Variants in CSF2RA observed in about 807,000 individuals in gnomAD.
CSF2RA encodes colony stimulating factor 2 receptor subunit alpha.
Under a neutral mutation model 51.6 loss-of-function variants are expected in CSF2RA, and 42 were observed. The ratio of observed to expected loss-of-function variants is 0.81; its 90% confidence interval spans 0.64 to 1.05. The LOEUF (loss-of-function observed/expected upper bound fraction) is 1.05. CSF2RA is among the 50% of genes least tolerant of loss of function. The pLI, the probability that CSF2RA is intolerant of heterozygous loss-of-function variation, is 0.00. For synonymous variants in CSF2RA, 222 were observed against 193.0 expected, an observed-to-expected ratio of 1.15 and a Z score of -1.24; for missense variants, 530 against 501.1, an observed-to-expected ratio of 1.06 and a Z score of -0.55.
chrX:1,275,837 C>CGTG (rs1190453012), intron 2 of CSF2RA, among the ~76,000 whole-genome samples: 3 of 152,024 alleles, frequency 2.0e-5, no homozygotes, highest in Non-Finnish European at 2.9e-5. Context: ...GGATTACAGG[C>CGTG]ACCCGCCACC....
At chrX:1,305,773 G>A (rs1379713856) in intron 12 of CSF2RA, 1 of 1,551,244 alleles carries the variant, frequency 6.4e-7, no homozygotes, top group Non-Finnish European at 8.7e-7. Flanking sequence ...TGGTGGTCAA[G>A]AAAAGGAGGA....
intron 7 of CSF2RA, among the ~76,000 whole-genome samples, chrX:1,292,829 C>G (rs757507014): frequency 2.6e-5 from 4 of 152,078 alleles, no homozygotes; most frequent in African/African-American, 4.8e-5. Context: ...ACTTCCTCCT[C>G]GGCACAGACC....
intron 1 of CSF2RA, 137 bp downstream of exon 1, chrX:1,269,016 G>C: frequency 1.0e-5 from 4 of 387,530 alleles, no homozygotes; most frequent in South Asian, 5.6e-5. Flanking sequence ...GAGCCGAAGT[G>C]GGGACAGCGG....
At chrX:1,280,678 C>CCTTCTTCTTCTCTTCTTT (rs1229975327) in intron 2 of CSF2RA, among the ~76,000 whole-genome samples, 10 of 147,218 alleles carry the variant, frequency 6.8e-5, no homozygotes, top group Admixed American at 5.5e-4. Flanking sequence ...TCCTCCTCCT[C>CCTTCTTCTTCTCTTCTTT]CTTCTTCTTC....
rs761742562 is a variant in CSF2RA at position 1,300,565 on chromosome X, G to A, written c.885G>A (p.Lys295=). ...SSEPRAKHSV[K]IRAADVRILN... is the part of the protein sequence containing the mutation. ...AGCCCAGAGCAAAACACAGTGTGAA[G>A]ATCAGAGCTGCAGACGTCCGCATCT... is the stretch of plus-strand genomic sequence containing the variant. Residue 295 remains lysine, a synonymous_variant, in exon 10 of 13, where the codon AAG becomes AAA. Transcript: ENST00000381529. The A allele has an allele frequency of 1.9e-6, 3 of 1,613,936 alleles. No homozygotes were observed. In the East Asian group the frequency reaches 6.7e-5, roughly 36 times the overall value.
At chrX:1,323,972 C>A in the CSF2RA span, among the ~76,000 whole-genome samples, 4 of 151,900 alleles carry the variant, frequency 2.6e-5, no homozygotes, top group African/African-American at 9.7e-5. Context: ...CAAGATCACC[C>A]CACTGCATTC....
At chrX:1,287,197 A>G (rs1373210660) in intron 4 of CSF2RA, 2 of 123,252 alleles carry the variant, frequency 1.6e-5, no homozygotes. Flanking sequence ...CTTGTTGCCC[A>G]GGCTGGAGTA....
intron 4 of CSF2RA, among the ~76,000 whole-genome samples, chrX:1,286,797 G>C (rs2090727734): frequency 6.6e-6 from 1 of 152,094 alleles, no homozygotes; most frequent in South Asian, 2.1e-4. Context: ...AAATGCAGTT[G>C]GATGTGCCCC....
chrX:1,284,750 C>T (rs1291550905), intron 3 of CSF2RA, among the ~76,000 whole-genome samples: 4 of 146,056 alleles, frequency 2.7e-5, no homozygotes, highest in Middle Eastern at 3.5e-3. Context: ...TTGCAACCTC[C>T]ACCTCCCGGG....
chrX:1,292,903 G>C lies in CSF2RA; in HGVS notation c.647-1425G>C, dbSNP rs148817145. Among the ~76,000 whole-genome samples the C allele has an allele frequency of 4.9e-3, 745 of 152,180 alleles. 7 individuals carry two copies. Among genetic ancestry groups the C allele is most frequent in the African/African-American group, 0.017 (689 of 41,480 alleles). On this transcript the variant is annotated intron_variant, in intron 7 of 12. Transcript: ENST00000381529. ...TCCCTTCCCACGAGGCCATATCTCA[G>C]ACTGTCTCAGTGGGGGGAACCCTCA...
chrX:1,281,018 C>T (rs1276178125), intron 2 of CSF2RA, among the ~76,000 whole-genome samples: 1 of 101,728 alleles, frequency 9.8e-6, no homozygotes, highest in Non-Finnish European at 2.2e-5. Context: ...TTCTCCTCCT[C>T]CTCCTTCTCC....
chrX:1,318,429 C>T, the CSF2RA span, among the ~76,000 whole-genome samples: 17 of 151,566 alleles, frequency 1.1e-4, no homozygotes, highest in Non-Finnish European at 2.5e-4. Context: ...TCCCAAAGTG[C>T]TGGGATTACA....
chrX:1,286,053 A>G (rs1371108314), intron 4 of CSF2RA, 133 bp downstream of exon 4: 2 of 938,108 alleles, frequency 2.1e-6, no homozygotes, highest in East Asian at 4.8e-5. Context: ...TGGGCGGATC[A>G]CCTGAGGTCG....
chrX:1,290,779 C>G (rs1211933883), intron 7 of CSF2RA, among the ~76,000 whole-genome samples: 1 of 152,048 alleles, frequency 6.6e-6, no homozygotes, highest in African/African-American at 2.4e-5. Flanking sequence ...GAGAATCACT[C>G]AAACCTAGGA....
chrX:1,304,064 G>A, intron 11 of CSF2RA, 45 bp downstream of exon 11: 1 of 1,493,534 alleles, frequency 6.7e-7, no homozygotes, highest in Non-Finnish European at 9.3e-7. Flanking sequence ...AACAGGCCAG[G>A]CCGGGAGGAA....
chrX:1,285,266 G>A (rs1175405265), intron 3 of CSF2RA, among the ~76,000 whole-genome samples: 26 of 152,058 alleles, frequency 1.7e-4, no homozygotes, highest in Non-Finnish European at 3.5e-4. Context: ...AGGGGGCTGT[G>A]AAAAGGAGGG....
chrX:1,273,763 T>A (rs867931390), intron 1 of CSF2RA, among the ~76,000 whole-genome samples: 7 of 59,586 alleles, frequency 1.2e-4, no homozygotes, highest in South Asian at 4.2e-4. Flanking sequence ...TTTTTTTTTT[T>A]TGTATTTTTT....
At chrX:1,312,205 C>T (rs1376889113), downstream of CSF2RA, among the ~76,000 whole-genome samples, 2 of 152,124 alleles carry the variant, frequency 1.3e-5, no homozygotes, top group African/African-American at 4.8e-5. Context: ...TCTCAAAGTG[C>T]TGGGATTACA....
At chrX:1,321,310 A>T in the CSF2RA span, among the ~76,000 whole-genome samples, 1 of 151,958 alleles carries the variant, frequency 6.6e-6, no homozygotes, top group Non-Finnish European at 1.5e-5. Flanking sequence ...TCCACTAAAA[A>T]TACAAAAAAT....
Sources: allele counts gnomAD v4.1 joint callset (sites outside exome capture counted in the v4.1 genomes callset), GRCh38; gene constraint gnomAD v4.1.1; transcripts MANE v1.5; gene names NCBI Gene and HGNC (gene_info 2026-07-23, HGNC 2026-07-21).